The following MAST4 variants were observed in gnomAD, a reference collection of about 807,000 sequenced individuals.
The protein encoded by MAST4 is microtubule associated serine/threonine kinase family member 4.
In MAST4, 89 loss-of-function variants were observed where a neutral mutation model predicts 162.7. The observed-to-expected ratio is 0.55, with a 90% confidence interval of 0.46 to 0.65. The LOEUF is 0.65. Among genes scored for constraint, MAST4 ranks in the 30% least tolerant of loss-of-function variants. MAST4 has a pLI of 0.00. For missense variants in MAST4, 3,153 were observed against 3,374.0 expected (o/e 0.93, Z 1.62); for synonymous variants, 1,479 against 1,361.1 (o/e 1.09, Z -1.91).
chr5:66,721,367 A>G (rs1751199335), intron 1 of MAST4, among the ~76,000 whole-genome samples: 2 of 152,076 alleles, frequency 1.3e-5, no homozygotes, highest in Non-Finnish European at 2.9e-5. Context: ...TCCACTGGTC[A>G]TTGAAACATA....
rs546380149 is a variant in MAST4 at position 67,042,874 on chromosome 5, G to A, written c.675-11530G>A. 8.5e-5 allele frequency among the ~76,000 whole-genome samples: 13 copies of A among 152,272 alleles called. No homozygotes were observed. In the South Asian group the frequency reaches 2.5e-3, roughly 29 times the overall value. On this transcript the variant is annotated intron_variant, in intron 4 of 28. Coordinates refer to ENST00000403625, the MANE Select transcript of MAST4 (RefSeq NM_001164664.2). The stretch of plus-strand genomic sequence containing the variant: ...AAGAACAAAGTGGAGCTCTGGTGTC[G>A]GTTTCTTATATTTGTATGTTTGTGT...
At chr5:67,022,390 T>C (rs925080847) in intron 4 of MAST4, among the ~76,000 whole-genome samples, 2 of 150,324 alleles carry the variant, frequency 1.3e-5, no homozygotes. Context: ...ATGTCAGTCT[T>C]GTGTTCCCTA....
rs190557374 is a variant in MAST4 at position 66,780,597 on chromosome 5, G to A, written c.518-8073G>A. On this transcript the variant is annotated intron_variant, in intron 2 of 28. Coordinates refer to ENST00000403625, the MANE Select transcript of MAST4 (RefSeq NM_001164664.2). The stretch of plus-strand genomic sequence containing the variant: ...TTATTGTGAAGAGTGAAAGAACAAA[G>A]CTTCCACAGTGTGAAAAGGGACCCA... Among the ~76,000 whole-genome samples the A allele has an allele frequency of 4.5e-3, 687 of 152,302 alleles. 6 individuals carry two copies. Among genetic ancestry groups the A allele is most frequent in the African/African-American group, 0.016 (670 of 41,560 alleles).
chr5:66,780,480 C>T (rs533918055), intron 2 of MAST4, among the ~76,000 whole-genome samples: 5 of 152,258 alleles, frequency 3.3e-5, no homozygotes, highest in Middle Eastern at 3.4e-3. Flanking sequence ...CTCGTGGTCT[C>T]GCTGACTTCA....
chr5:66,829,196 A>G (rs1268006391), intron 3 of MAST4, among the ~76,000 whole-genome samples: 1 of 151,792 alleles, frequency 6.6e-6, no homozygotes, highest in African/African-American at 2.4e-5. Context: ...GCATGCCGTC[A>G]AGTGTCTGGG....
At chr5:67,065,687 T>C (rs1760146328) in intron 5 of MAST4, among the ~76,000 whole-genome samples, 1 of 152,228 alleles carries the variant, frequency 6.6e-6, no homozygotes, top group Admixed American at 6.5e-5. Context: ...AGCATTTTCT[T>C]TTTTTGGCAC....
At chr5:67,129,706 A>G (rs1030155629) in intron 14 of MAST4, among the ~76,000 whole-genome samples, 1 of 149,814 alleles carries the variant, frequency 6.7e-6, no homozygotes, top group Non-Finnish European at 1.5e-5. Flanking sequence ...CCTGGGCGAC[A>G]GAGCAAGACT....
At chr5:66,649,201 T>TAAA (rs1746054967) in intron 1 of MAST4, among the ~76,000 whole-genome samples, 1 of 152,188 alleles carries the variant, frequency 6.6e-6, no homozygotes, top group Non-Finnish European at 1.5e-5. Context: ...TACTTGTGTA[T>TAAA]AAATCCTCTT....
chr5:66,646,416 C>A (rs1745840161), intron 1 of MAST4, among the ~76,000 whole-genome samples: 1 of 152,068 alleles, frequency 6.6e-6, no homozygotes. Context: ...TTACAGAAGC[C>A]TTGAGCTTCT....
intron 1 of MAST4, among the ~76,000 whole-genome samples, chr5:66,687,634 GTTTATCTATCTATCTA>G (rs1376193767): frequency 1.0e-5 from 1 of 96,908 alleles, no homozygotes; most frequent in Non-Finnish European, 1.9e-5. Context: ...ATGTGTGTGT[GTTTATCTATCTATCTA>G]TCTATCTATC....
At position 66,596,815 on chromosome 5, in the gene MAST4, C is replaced by T; in HGVS notation, c.160C>T (p.Pro54Ser). 2 of 1,319,010 alleles carry T rather than the reference C, an allele frequency of 1.5e-6. No individual in the cohort carries two copies. The highest frequency in any genetic ancestry group is 3.1e-5 in the East Asian group (1 of 32,384). 81.7% of individuals were successfully genotyped at this position (1,319,010 alleles called of 1,614,324 possible). The change falls in exon 1 of 29, where the codon CCC becomes TCC. Residue 54 changes from proline to serine, a missense_variant. Transcript: ENST00000403625. ...AGAAACTCTGTCGGAGGAAGGGGAG[C>T]CCGGCGGCTTCTCCAGAGAGCATCA... Reference protein sequence around the residue: ...GSETLSEEGEPGGFSREHQPP... With the variant: ...GSETLSEEGESGGFSREHQPP...
At chr5:66,913,796 G>T (rs1763928975) in intron 4 of MAST4, among the ~76,000 whole-genome samples, 1 of 152,214 alleles carries the variant, frequency 6.6e-6, no homozygotes, top group African/African-American at 2.4e-5. Context: ...TATGATTAAT[G>T]TTAGTTGATT....
At position 67,081,050 on chromosome 5, in the gene MAST4, ATATAT is replaced by A. The variant is rs1050513049; in HGVS notation, c.764-9106_764-9102del. ...ATTATATAATATAATATATAATTGT[ATATAT>A]TATATAATATAATATATAATTGTAT... On this transcript the variant is annotated intron_variant, in intron 5 of 28. Coordinates refer to ENST00000403625, the MANE Select transcript of MAST4 (RefSeq NM_001164664.2). 3.3e-4 allele frequency among the ~76,000 whole-genome samples: 42 copies of A among 127,294 alleles called. 2 individuals are homozygous for A. In the East Asian group the frequency reaches 6.2e-3, roughly 19 times the overall value. 83.5% of individuals were successfully genotyped at this position (127,294 alleles called of 152,430 possible). A position where few individuals can be genotyped will look rare whatever the true frequency, so the allele number is the denominator to read the frequency against.
intron 3 of MAST4, among the ~76,000 whole-genome samples, chr5:66,817,853 TGAGA>T (rs1561352012): frequency 6.6e-6 from 1 of 152,148 alleles, no homozygotes; most frequent in Non-Finnish European, 1.5e-5. Flanking sequence ...GTATAAAACT[TGAGA>T]TAGATTGTCT....
At chr5:66,916,969 T>C in intron 4 of MAST4, 1 of 718,072 alleles carries the variant, frequency 1.4e-6, no homozygotes. Flanking sequence ...TACTGGTCCT[T>C]TTTTCTCCTA....
At chr5:66,754,389 G>GC (rs1307332437) in intron 1 of MAST4, among the ~76,000 whole-genome samples, 1 of 152,198 alleles carries the variant, frequency 6.6e-6, no homozygotes, top group African/African-American at 2.4e-5. Context: ...GATGTGGTTT[G>GC]CCATAACCTA....
chr5:66,857,161 G>A (rs1197909978), intron 3 of MAST4, among the ~76,000 whole-genome samples: 4 of 152,100 alleles, frequency 2.6e-5, no homozygotes, highest in Non-Finnish European at 5.9e-5. Context: ...TGTCATGTAC[G>A]TTTTGGAACT....
chr5:66,854,498 C>T (rs1042200125), intron 3 of MAST4, among the ~76,000 whole-genome samples: 2 of 152,136 alleles, frequency 1.3e-5, no homozygotes, highest in Non-Finnish European at 2.9e-5. Context: ...TACTTCAAGG[C>T]TGGACTGGGG....
chr5:66,827,464 T>G (rs913638339), intron 3 of MAST4, among the ~76,000 whole-genome samples: 1 of 152,212 alleles, frequency 6.6e-6, no homozygotes, highest in Non-Finnish European at 1.5e-5. Flanking sequence ...CAATCAATTT[T>G]CCTCAGTGGT....
Sources: gnomAD v4.1 joint callset for allele counts (sites outside exome capture counted in the v4.1 genomes callset) on GRCh38, gnomAD v4.1.1 for gene constraint, MANE v1.5 for transcripts, NCBI Gene and HGNC (gene_info 2026-07-23, HGNC 2026-07-21) for gene names.